OSCP1: variants seen among roughly 807,000 people sequenced by gnomAD.
OSCP1 encodes organic solute carrier partner 1.
OSCP1 carries 35 observed loss-of-function variants against 45.1 expected under a neutral mutation model. The ratio of observed to expected loss-of-function variants is 0.78; its 90% CI spans 0.59 to 1.03. The LOEUF (loss-of-function observed/expected upper bound fraction) is 1.03, where lower values mean the gene tolerates loss of function less well. Ranked by LOEUF, OSCP1 falls within the 50% of genes least tolerant of loss-of-function variation. The probability of loss-of-function intolerance (pLI) is 0.00; values close to 1 mark genes in which losing one functional copy is unlikely to be tolerated. For missense variants in OSCP1, 400 were observed against 470.7 expected (o/e 0.85, Z 1.39); for synonymous variants, 179 against 180.1 (o/e 0.99, Z 0.05).
intron 6 of OSCP1, 86 bp from the exon 7 acceptor site, chr1:36,422,305 A>G (rs966409499): frequency 2.6e-5 from 32 of 1,227,356 alleles, no homozygotes; most frequent in Non-Finnish European, 3.7e-5. Flanking sequence ...TGTAGCTTTT[A>G]TTCTGAGACA....
At position 36,418,532 on chromosome 1, in the gene OSCP1, A is replaced by T. The variant is rs377416147; in HGVS notation, c.1024-277T>A. 1.8e-5 allele frequency: 9 copies of T among 495,564 alleles called. No homozygotes were observed. The East Asian group carries it at 3.1e-4, about 17-fold the overall frequency. The allele number at this position is 495,564 out of a possible 1,614,324, so 30.7% of individuals were successfully genotyped here. A position where few individuals can be genotyped will look rare whatever the true frequency, so the allele number is the denominator to read the frequency against. On this transcript the variant is annotated intron_variant, in intron 9 of 9. Transcript: ENST00000235532. ...AACAACTTTAATTTGAGCAGGGGGA[A>T]TGACAATACAGCACTTAACAGCTAT...
In OSCP1 at chr1:36,432,521, C is replaced by CAGCA. The variant is rs1457489259; in HGVS notation, c.332_335dup (p.Leu113AlafsTer73). 11 of 1,614,128 alleles carry CAGCA rather than the reference C, an allele frequency of 6.8e-6. No individual in the cohort carries two copies. Among genetic ancestry groups the CAGCA allele is most frequent in the Non-Finnish European group, 9.3e-6 (11 of 1,180,012 alleles). On this transcript the variant is annotated frameshift_variant, in exon 3 of 10. Transcript: ENST00000235532. LOFTEE classifies it high-confidence loss of function. ...TATCCAAGTGATTGAAAGTGACCAGCAGCACATCCTTGGGTCGGGGACACA... is the reference window on the plus strand; with the variant it reads ...TATCCAAGTGATTGAAAGTGACCAGCAGCAAGCACATCCTTGGGTCGGGGACACA...
chr1:36,432,368 A>C, intron 3 of OSCP1, 54 bp downstream of exon 3: 1 of 1,581,770 alleles, frequency 6.3e-7, no homozygotes, highest in Non-Finnish European at 8.6e-7. Flanking sequence ...TTCTTAACAG[A>C]GGGATGAGAA....
At chr1:36,434,234 A>G (rs369595231) in intron 2 of OSCP1, among the ~76,000 whole-genome samples, 15 of 151,938 alleles carry the variant, frequency 9.9e-5, no homozygotes, top group African/African-American at 3.6e-4. Flanking sequence ...GTGTATATAT[A>G]TTACCTCATT....
chr1:36,437,577 G>C (rs1648831168), intron 2 of OSCP1, among the ~76,000 whole-genome samples: 2 of 152,106 alleles, frequency 1.3e-5, no homozygotes, highest in Non-Finnish European at 2.9e-5. Flanking sequence ...GGGGTGTAGT[G>C]GTGTGATCTC....
At chr1:36,434,356 C>T (rs1485588500) in intron 2 of OSCP1, among the ~76,000 whole-genome samples, 2 of 152,142 alleles carry the variant, frequency 1.3e-5, no homozygotes, top group Non-Finnish European at 2.9e-5. Flanking sequence ...GATATTTGAC[C>T]TCAAGACTAT....
At chr1:36,428,335 A>T in intron 4 of OSCP1, 1 of 1,612,700 alleles carries the variant, frequency 6.2e-7, no homozygotes, top group African/African-American at 1.3e-5. Context: ...TTGCCCAGGT[A>T]CAAAACTCAA....
intron 1 of OSCP1, among the ~76,000 whole-genome samples, chr1:36,449,265 A>C (rs567220510): frequency 1.3e-5 from 2 of 152,274 alleles, no homozygotes; most frequent in South Asian, 4.1e-4. Flanking sequence ...AGGGAGGAAA[A>C]GAGGAAAAGG....
chr1:36,445,925 CT>C (rs1396072590), intron 1 of OSCP1, among the ~76,000 whole-genome samples: 1 of 151,928 alleles, frequency 6.6e-6, no homozygotes, highest in East Asian at 1.9e-4. Context: ...GTTGGCCAGG[CT>C]GGTCTTGAAC....
Position 36,422,754 on chromosome 1 carries a change from A to T in OSCP1, c.749+14T>A, listed in dbSNP as rs1647731873. 3.9e-6 allele frequency: 6 copies of T among 1,554,428 alleles called. No individual in the cohort carries two copies. Among genetic ancestry groups the T allele is most frequent in the Non-Finnish European group, 5.2e-6 (6 of 1,146,454 alleles). On this transcript the variant is annotated intron_variant, in intron 6 of 9. Transcript: ENST00000235532. ...CCCTTGGACTTGAATTCACTCAGAG[A>T]AGAATTTGCTTACATGTTAGTTCCC...
chr1:36,425,102 G>A (rs1169784848), intron 4 of OSCP1, among the ~76,000 whole-genome samples: 2 of 151,640 alleles, frequency 1.3e-5, no homozygotes. Context: ...GAACCCCAGA[G>A]GTGGAGGTTG....
chr1:36,420,884 T>C (rs556332006), intron 7 of OSCP1, among the ~76,000 whole-genome samples: 1 of 152,292 alleles, frequency 6.6e-6, no homozygotes, highest in Admixed American at 6.5e-5. Context: ...CTCCTCTCAC[T>C]ACCTTCCTCC....
In OSCP1 at chr1:36,450,406, G is replaced by A; in HGVS notation, c.-37C>T. 2 of 1,570,152 alleles carry A rather than the reference G, an allele frequency of 1.3e-6. No homozygotes were observed. On this transcript the variant is annotated 5_prime_UTR_variant, in exon 1 of 10. Transcript: ENST00000235532. ...CGAGCTGGACTGGTGAAGAGCCCCG[G>A]GGTTCGGTAGCCAGTGGCCTGAAGG...
At chr1:36,430,842 A>G (rs747552290) in intron 4 of OSCP1, among the ~76,000 whole-genome samples, 6 of 151,984 alleles carry the variant, frequency 3.9e-5, no homozygotes, top group Non-Finnish European at 8.8e-5. Flanking sequence ...TTTAGTAGAG[A>G]TGGGGTTTTA....
At chr1:36,448,829 G>T (rs1019804954) in intron 1 of OSCP1, among the ~76,000 whole-genome samples, 2 of 152,248 alleles carry the variant, frequency 1.3e-5, no homozygotes, top group African/African-American at 2.4e-5. Context: ...GGAAGACAGA[G>T]ATCAGATAAG....
chr1:36,434,749 CAAA>C (rs71053933), intron 2 of OSCP1, among the ~76,000 whole-genome samples: 1 of 69,860 alleles, frequency 1.4e-5, no homozygotes, highest in Admixed American at 1.7e-4. Flanking sequence ...GACTTTGTCT[CAAA>C]AAAAAAAAAA....
At chr1:36,431,745 G>C (rs781541936) in intron 4 of OSCP1, 57 bp downstream of exon 4, 20 of 1,552,028 alleles carry the variant, frequency 1.3e-5, no homozygotes, top group East Asian at 9.0e-5. Flanking sequence ...TGACTACCAG[G>C]GTTGTTTCCC....
chr1:36,427,651 C>T (rs1048563544), intron 4 of OSCP1, among the ~76,000 whole-genome samples: 2 of 152,096 alleles, frequency 1.3e-5, no homozygotes, highest in African/African-American at 2.4e-5. Context: ...TTTATCTTGT[C>T]GGAACTGGGA....
chr1:36,425,199 T>C (rs1379421451), intron 4 of OSCP1, among the ~76,000 whole-genome samples: 1 of 148,682 alleles, frequency 6.7e-6, no homozygotes, highest in East Asian at 2.0e-4. Flanking sequence ...ATGGAAAGAA[T>C]AAGCATTTGT....
Sources: allele counts gnomAD v4.1 joint callset (sites outside exome capture counted in the v4.1 genomes callset), GRCh38; gene constraint gnomAD v4.1.1; transcripts MANE v1.5; gene names NCBI Gene and HGNC (gene_info 2026-07-23, HGNC 2026-07-21).